SNTG1: variants seen among roughly 807,000 people sequenced by gnomAD.
SNTG1 encodes gamma-1-syntrophin.
SNTG1 carries 39 observed loss-of-function variants against 74.7 expected under a neutral mutation model. That is an observed-to-expected ratio of 0.52 (90% CI 0.40 to 0.68). The LOEUF is 0.68. Ranked by LOEUF, SNTG1 falls within the 30% of genes least tolerant of loss-of-function variation. The pLI, the probability that SNTG1 is intolerant of heterozygous loss-of-function variation, is 0.00. For synonymous variants in SNTG1, 254 were observed against 217.1 expected (o/e 1.17, Z -1.49); for missense variants, 685 against 609.5 (o/e 1.12, Z -1.30).
chr8:50,688,015 A>G (rs2095360322), intron 15 of SNTG1, among the ~76,000 whole-genome samples: 1 of 151,960 alleles, frequency 6.6e-6, no homozygotes, highest in Non-Finnish European at 1.5e-5. Flanking sequence ...AATGATGATG[A>G]GCATTTTTTC....
chr8:50,140,838 C>A (rs1177068333), intron 1 of SNTG1, among the ~76,000 whole-genome samples: 2 of 152,112 alleles, frequency 1.3e-5, no homozygotes, highest in Non-Finnish European at 1.5e-5. Context: ...TTGTTTTCAT[C>A]TCACCTCACA....
At chr8:50,474,820 A>G (rs2093682989) in intron 8 of SNTG1, among the ~76,000 whole-genome samples, 1 of 152,116 alleles carries the variant, frequency 6.6e-6, no homozygotes, top group South Asian at 2.1e-4. Context: ...AAGACTTGGA[A>G]CCAAGCCAAA....
At chr8:50,635,596 C>G (rs991971823) in intron 13 of SNTG1, among the ~76,000 whole-genome samples, 1 of 152,200 alleles carries the variant, frequency 6.6e-6, no homozygotes, top group Non-Finnish European at 1.5e-5. Flanking sequence ...GGGAGTGCTT[C>G]CAGGCAATTG....
chr8:50,030,824 T>C (rs1372476351), intron 1 of SNTG1, among the ~76,000 whole-genome samples: 5 of 151,828 alleles, frequency 3.3e-5, no homozygotes, highest in African/African-American at 1.2e-4. Context: ...TATTCTTAAA[T>C]CATTGCCTGT....
At chr8:50,691,005 G>C (rs1327514446) in intron 15 of SNTG1, among the ~76,000 whole-genome samples, 1 of 152,094 alleles carries the variant, frequency 6.6e-6, no homozygotes. Flanking sequence ...TTATGTAACG[G>C]CCTTCTTTGT....
At chr8:50,735,212 G>A (rs544345637) in intron 17 of SNTG1, among the ~76,000 whole-genome samples, 4 of 151,484 alleles carry the variant, frequency 2.6e-5, no homozygotes, top group Admixed American at 1.3e-4. Flanking sequence ...GGCTAACATT[G>A]GATCTAAAGA....
At chr8:50,782,412 T>A (rs2131836807) in intron 18 of SNTG1, among the ~76,000 whole-genome samples, 1 of 152,282 alleles carries the variant, frequency 6.6e-6, no homozygotes, top group African/African-American at 2.4e-5. Context: ...TTCTTTTTAT[T>A]CTTTTTTCTC....
At chr8:50,328,776 T>C (rs745657119) in intron 2 of SNTG1, among the ~76,000 whole-genome samples, 1 of 152,192 alleles carries the variant, frequency 6.6e-6, no homozygotes, top group South Asian at 2.1e-4. Flanking sequence ...CCAAATCTCA[T>C]GTATTTTCAC....
At chr8:50,517,982 C>T (rs536405273) in intron 9 of SNTG1, among the ~76,000 whole-genome samples, 1 of 152,268 alleles carries the variant, frequency 6.6e-6, no homozygotes, top group South Asian at 2.1e-4. Context: ...GAGCTCTCCA[C>T]CCCAAATCAA....
intron 13 of SNTG1, among the ~76,000 whole-genome samples, chr8:50,609,396 T>C (rs1428873429): frequency 6.6e-6 from 1 of 152,176 alleles, no homozygotes; most frequent in Non-Finnish European, 1.5e-5. Context: ...TTTTCTGATA[T>C]AAAGTTAGCT....
intron 4 of SNTG1, among the ~76,000 whole-genome samples, chr8:50,422,978 T>C (rs1017759624): frequency 7.2e-5 from 11 of 152,142 alleles, no homozygotes; most frequent in Admixed American, 2.0e-4. Context: ...TTCAGGCATG[T>C]TGAAAGTTAA....
chr8:50,584,809 C>T (rs1158146964), intron 12 of SNTG1, among the ~76,000 whole-genome samples: 3 of 152,030 alleles, frequency 2.0e-5, no homozygotes, highest in African/African-American at 7.3e-5. Context: ...TGGCACCGAC[C>T]ACAACTGTGC....
intron 1 of SNTG1, among the ~76,000 whole-genome samples, chr8:50,095,674 T>G (rs954824358): frequency 6.6e-6 from 1 of 152,220 alleles, no homozygotes; most frequent in Non-Finnish European, 1.5e-5. Flanking sequence ...CAGAAAAGAA[T>G]GTACAGAAAT....
At chr8:50,252,828 TC>T (rs1367983777) in intron 2 of SNTG1, among the ~76,000 whole-genome samples, 1 of 152,116 alleles carries the variant, frequency 6.6e-6, no homozygotes, top group Non-Finnish European at 1.5e-5. Context: ...CAGTCACATT[TC>T]AACATGAGAT....
chr8:50,506,010 G>C (rs2094003300), intron 9 of SNTG1, among the ~76,000 whole-genome samples: 1 of 151,920 alleles, frequency 6.6e-6, no homozygotes, highest in South Asian at 2.1e-4. Context: ...TTTGATTTGT[G>C]TTGAGTCAAT....
intron 1 of SNTG1, among the ~76,000 whole-genome samples, chr8:49,965,520 G>GATTATGGT (rs1239055979): frequency 6.6e-6 from 1 of 152,116 alleles, no homozygotes; most frequent in Non-Finnish European, 1.5e-5. Flanking sequence ...GCTTATGAGT[G>GATTATGGT]GAAGCTCAAG....
intron 2 of SNTG1, among the ~76,000 whole-genome samples, chr8:50,300,528 G>T (rs972419838): frequency 6.6e-6 from 1 of 151,966 alleles, no homozygotes; most frequent in African/African-American, 2.4e-5. Context: ...GTTAAAATTG[G>T]TATTCTTCTA....
intron 13 of SNTG1, among the ~76,000 whole-genome samples, chr8:50,603,902 T>C (rs2094793283): frequency 6.6e-6 from 1 of 152,212 alleles, no homozygotes; most frequent in South Asian, 2.1e-4. Context: ...TCATTAGGAC[T>C]GCACTGGGTC....
At chr8:49,952,582 C>G (rs913996776) in intron 1 of SNTG1, among the ~76,000 whole-genome samples, 1 of 152,154 alleles carries the variant, frequency 6.6e-6, no homozygotes, top group Non-Finnish European at 1.5e-5. Flanking sequence ...TAAGGAGGTA[C>G]GTGGTAATCC....
Sources: allele counts gnomAD v4.1 joint callset (sites outside exome capture counted in the v4.1 genomes callset), GRCh38; gene constraint gnomAD v4.1.1; transcripts MANE v1.5; gene names NCBI Gene and HGNC (gene_info 2026-07-23, HGNC 2026-07-21).